Variants in STK32B observed in about 807,000 individuals in gnomAD.
STK32B encodes the protein serine/threonine-protein kinase 32B.
STK32B carries 43 observed loss-of-function variants against 52.6 expected under a neutral mutation model. The ratio of observed to expected loss-of-function variants is 0.82; its 90% confidence interval spans 0.64 to 1.05. STK32B has a LOEUF of 1.05. Among genes scored for constraint, STK32B ranks in the 50% least tolerant of loss-of-function variants. STK32B has a pLI of 0.00. For missense variants in STK32B, 621 were observed against 534.6 expected, an observed-to-expected ratio of 1.16 and a Z score of -1.59; for synonymous variants, 238 against 204.3, an observed-to-expected ratio of 1.17 and a Z score of -1.41.
intron 3 of STK32B, among the ~76,000 whole-genome samples, chr4:5,197,578 G>A (rs1252629924): frequency 6.6e-6 from 1 of 152,090 alleles, no homozygotes; most frequent in African/African-American, 2.4e-5. Flanking sequence ...CACTATTTCT[G>A]GGCTGCCAGA....
chr4:5,335,122 T>C (rs1475641550), intron 4 of STK32B, among the ~76,000 whole-genome samples: 3 of 152,202 alleles, frequency 2.0e-5, no homozygotes, highest in Non-Finnish European at 4.4e-5. Context: ...TCTTTTTTGT[T>C]GGTAAGCTAT....
At chr4:5,048,097 AGAATG>A (rs1222501744), upstream of STK32B, among the ~76,000 whole-genome samples, 6 of 151,818 alleles carry the variant, frequency 4.0e-5, no homozygotes, top group Admixed American at 3.9e-4. Context: ...TCTGGCCTCC[AGAATG>A]GTGAGGGAAT....
rs1291614358 is a variant in STK32B, at chr4:5,399,697, T to C, written c.472+1453T>C. On this transcript the variant is annotated intron_variant, in intron 5 of 11. Transcript: ENST00000282908. The surrounding 1 kb of genome is among the most constrained non-coding windows in gnomAD (Gnocchi z 5.4). Reference sequence around the variant, plus strand: ...CTGAATGTCCTTGGGCCAGTGGCTGTACCTCCGTGTCTCAGCCTTCCCAGC... The same window carrying C: ...CTGAATGTCCTTGGGCCAGTGGCTGCACCTCCGTGTCTCAGCCTTCCCAGC... Among the ~76,000 whole-genome samples, 2 of 152,192 alleles carry C rather than the reference T, an allele frequency of 1.3e-5. No homozygotes were observed. Among genetic ancestry groups the C allele is most frequent in the Non-Finnish European group, 2.9e-5 (2 of 68,034 alleles).
intron 2 of STK32B, among the ~76,000 whole-genome samples, chr4:5,148,480 G>A (rs1229233349): frequency 6.6e-6 from 1 of 151,596 alleles, no homozygotes; most frequent in Non-Finnish European, 1.5e-5. Flanking sequence ...CCTTGTGATT[G>A]CTTCTTTGAC....
intron 8 of STK32B, among the ~76,000 whole-genome samples, chr4:5,457,938 GGGAA>G (rs3078908): frequency 0.15 from 21,072 of 137,894 alleles, 1,713 homozygotes; most frequent in East Asian, 0.42. Context: ...GAGGGAGGGA[GGGAA>G]GGAAGGAAGG....
chr4:5,328,343 T>C (rs1227831569), intron 3 of STK32B, among the ~76,000 whole-genome samples: 1 of 152,242 alleles, frequency 6.6e-6, no homozygotes, highest in Non-Finnish European at 1.5e-5. Context: ...ATTTGGCATG[T>C]CTTTCTCATT....
chr4:5,197,081 AT>A (rs903439855), intron 3 of STK32B, among the ~76,000 whole-genome samples: 1 of 152,174 alleles, frequency 6.6e-6, no homozygotes, highest in African/African-American at 2.4e-5. Context: ...GCTGTACCAA[AT>A]TGGGACTCAG....
intron 5 of STK32B, among the ~76,000 whole-genome samples, chr4:5,416,393 C>T (rs1022014643): frequency 3.3e-5 from 5 of 152,114 alleles, no homozygotes; most frequent in African/African-American, 1.2e-4. Context: ...CTACTAAATT[C>T]CTCAATTACA....
chr4:5,122,588 T>C (rs1057262705), intron 1 of STK32B, among the ~76,000 whole-genome samples: 1 of 151,742 alleles, frequency 6.6e-6, no homozygotes, highest in African/African-American at 2.4e-5. Context: ...CACTCACTCA[T>C]TCACCCACCC....
intron 5 of STK32B, among the ~76,000 whole-genome samples, chr4:5,406,734 G>A (rs1372599659): frequency 6.6e-6 from 1 of 152,160 alleles, no homozygotes; most frequent in African/African-American, 2.4e-5. Context: ...AGGGAGCAGT[G>A]TCTCGAGGTT....
chr4:5,463,598 CATAT>C (rs1717204366), intron 9 of STK32B, among the ~76,000 whole-genome samples: 1 of 152,092 alleles, frequency 6.6e-6, no homozygotes, highest in African/African-American at 2.4e-5. Context: ...CATGCATTCA[CATAT>C]ATACTCACCC....
chr4:5,153,655 T>A (rs920549914), intron 2 of STK32B, among the ~76,000 whole-genome samples: 4 of 152,194 alleles, frequency 2.6e-5, no homozygotes, highest in Non-Finnish European at 2.9e-5. Flanking sequence ...AAGATATGAC[T>A]CTTGCCACAC....
Position 5,399,754 on chromosome 4 carries a change from G to A in STK32B, c.472+1510G>A, listed in dbSNP as rs1194421526. Among the ~76,000 whole-genome samples the A allele has an allele frequency of 2.6e-5, 4 of 152,186 alleles. No homozygotes were observed. The highest frequency in any genetic ancestry group is 4.4e-5 in the Non-Finnish European group (3 of 68,032). On this transcript the variant is annotated intron_variant, in intron 5 of 11. Coordinates refer to ENST00000282908, the MANE Select transcript of STK32B (RefSeq NM_018401.3). This position sits in a 1 kb window ranked among gnomAD's most constrained non-coding sequence, Gnocchi z 5.4. The stretch of plus-strand genomic sequence containing the variant: ...GCAGAAGTAATTGACCCACCTTGCA[G>A]GGTGGTGAATGTCTCATCTCGGGTG...
intron 1 of STK32B, among the ~76,000 whole-genome samples, chr4:5,087,581 G>GATAA (rs1317405025): frequency 2.2e-4 from 34 of 151,924 alleles, no homozygotes; most frequent in African/African-American, 8.2e-4. Flanking sequence ...TAATTTGATA[G>GATAA]ATAGATAGAT....
At chr4:5,030,699 A>C in the STK32B span, among the ~76,000 whole-genome samples, 1 of 152,246 alleles carries the variant, frequency 6.6e-6, no homozygotes, top group Non-Finnish European at 1.5e-5. Context: ...AGTGGAGCCC[A>C]GGTTCAAACC....
chr4:5,136,386 G>GATCT (rs1553832452), intron 1 of STK32B, among the ~76,000 whole-genome samples: 1 of 152,056 alleles, frequency 6.6e-6, no homozygotes, highest in Non-Finnish European at 1.5e-5. Flanking sequence ...ACCCTTTGCA[G>GATCT]CTCTAAGAGT....
chr4:5,330,962 C>T (rs1732201947), intron 3 of STK32B, among the ~76,000 whole-genome samples: 1 of 152,084 alleles, frequency 6.6e-6, no homozygotes, highest in African/African-American at 2.4e-5. Context: ...CATCTGTCTG[C>T]CAGAGCCTGG....
chr4:5,068,027 A>G (rs551420267), intron 1 of STK32B, among the ~76,000 whole-genome samples: 1 of 152,270 alleles, frequency 6.6e-6, no homozygotes, highest in East Asian at 1.9e-4. Flanking sequence ...TCAGCATGAG[A>G]TTTGGGCAGG....
In STK32B at chr4:5,206,973, A is replaced by G. The variant is rs548665282; in HGVS notation, c.260+38523A>G. Among the ~76,000 whole-genome samples, 3 of 152,302 alleles carry G rather than the reference A, an allele frequency of 2.0e-5. No individual in the cohort carries two copies. In the South Asian group the frequency reaches 6.2e-4, roughly 32 times the overall value. On this transcript the variant is annotated intron_variant, in intron 3 of 11. Coordinates refer to ENST00000282908, the MANE Select transcript of STK32B (RefSeq NM_018401.3). ...CCCAATTGTTTCTGAACTGCTTTAG[A>G]TGCTTCTGGGCTTTATTAGTCTTTG...
Sources: gnomAD v4.1 joint callset for allele counts (sites outside exome capture counted in the v4.1 genomes callset) on GRCh38, gnomAD v4.1.1 for gene constraint, Gnocchi (gnomAD v3.1) non-coding constraint, MANE v1.5 for transcripts, NCBI Gene and HGNC (gene_info 2026-07-23, HGNC 2026-07-21) for gene names.